STIM1: variants seen among roughly 807,000 people sequenced by gnomAD.
The protein encoded by STIM1 is stromal interaction molecule 1.
Under a neutral mutation model 74.7 loss-of-function variants are expected in STIM1, and 25 were observed. The ratio of observed to expected loss-of-function variants is 0.33; its 90% CI spans 0.24 to 0.47. The LOEUF (loss-of-function observed/expected upper bound fraction) is 0.47. Among genes scored for constraint, STIM1 ranks in the 20% least tolerant of loss-of-function variants. STIM1 has a pLI of 1.00. For synonymous variants in STIM1, 328 were observed against 348.8 expected, an observed-to-expected ratio of 0.94 and a Z score of 0.66; for missense variants, 728 against 920.8, an observed-to-expected ratio of 0.79 and a Z score of 2.71.
Position 3,932,666 on chromosome 11 carries a change from GAAAAAAAAAA to G in STIM1, c.140-34875_140-34866del, listed in dbSNP as rs57059104. Among the ~76,000 whole-genome samples, 5 of 86,970 alleles carry G rather than the reference GAAAAAAAAAA, an allele frequency of 5.7e-5. No homozygotes were observed. In the South Asian group the frequency reaches 1.8e-3, roughly 32 times the overall value. 57.1% of individuals were successfully genotyped at this position (86,970 alleles called of 152,430 possible). A position where few individuals can be genotyped will look rare whatever the true frequency, so the allele number is the denominator to read the frequency against. On this transcript the variant is annotated intron_variant, in intron 1 of 12. Transcript: ENST00000526596. ...AAGAGTGCAAGACTCTGTCTCAAAGGAAAAAAAAAAAAAAAAAAAAGAAAAGAAAAGAGAC... is the reference window on the plus strand; with the variant it reads ...AAGAGTGCAAGACTCTGTCTCAAAGGAAAAAAAAAAGAAAAGAAAAGAGAC...
intron 3 of STIM1, chr11:4,049,644 G>C (rs534840996): frequency 6.6e-6 from 1 of 151,210 alleles, no homozygotes; most frequent in South Asian, 2.1e-4. Context: ...TCTGGATCTT[G>C]ACTCAGCTTT....
intron 1 of STIM1, among the ~76,000 whole-genome samples, chr11:3,907,522 C>T (rs10742189): frequency 6.6e-6 from 1 of 152,030 alleles, no homozygotes; most frequent in Non-Finnish European, 1.5e-5. Flanking sequence ...CCCTGATCCA[C>T]GTTACCATCG....
At chr11:3,920,270 G>A (rs1282999517) in intron 1 of STIM1, among the ~76,000 whole-genome samples, 2 of 151,804 alleles carry the variant, frequency 1.3e-5, no homozygotes, top group Non-Finnish European at 2.9e-5. Context: ...CCAATTTGGT[G>A]GTTTTCAACA....
intron 1 of STIM1, among the ~76,000 whole-genome samples, chr11:3,904,991 A>G (rs2092440379): frequency 6.6e-6 from 1 of 152,136 alleles, no homozygotes; most frequent in Non-Finnish European, 1.5e-5. Flanking sequence ...AAGGGGGTTA[A>G]GGATAGAGCA....
chr11:4,000,169 C>A (rs1350975829), intron 2 of STIM1, among the ~76,000 whole-genome samples: 1 of 149,298 alleles, frequency 6.7e-6, no homozygotes. Context: ...CACAGACAAA[C>A]AAAAAGACAG....
chr11:3,904,120 C>A (rs1462424891), intron 1 of STIM1, among the ~76,000 whole-genome samples: 6 of 142,846 alleles, frequency 4.2e-5, no homozygotes, highest in Non-Finnish European at 3.0e-5. Context: ...TTGCTTGAAC[C>A]CGGGAGGCAG....
intron 2 of STIM1, among the ~76,000 whole-genome samples, chr11:4,006,182 T>C (rs1037073055): frequency 6.6e-6 from 1 of 152,140 alleles, no homozygotes. Flanking sequence ...TGAGTTCTCA[T>C]GAGATCTGGT....
intron 2 of STIM1, among the ~76,000 whole-genome samples, chr11:3,981,302 C>G (rs150805821): frequency 7.0e-4 from 106 of 152,214 alleles, no homozygotes; most frequent in African/African-American, 2.4e-3. Flanking sequence ...TTGGCATGAA[C>G]CTTATGTTTG....
chr11:3,936,145 C>A (rs925885399), intron 1 of STIM1, among the ~76,000 whole-genome samples: 1 of 152,126 alleles, frequency 6.6e-6, no homozygotes, highest in Non-Finnish European at 1.5e-5. Context: ...CTTTTGTTAT[C>A]CTTATTCTAC....
At chr11:4,041,538 A>G (rs1201631893) in intron 3 of STIM1, among the ~76,000 whole-genome samples, 8 of 152,116 alleles carry the variant, frequency 5.3e-5, no homozygotes, top group Non-Finnish European at 1.2e-4. Flanking sequence ...TAATTTGCCC[A>G]TGGTCTTACA....
intron 1 of STIM1, among the ~76,000 whole-genome samples, chr11:3,949,278 G>A (rs1226456306): frequency 6.6e-6 from 1 of 152,180 alleles, no homozygotes; most frequent in Non-Finnish European, 1.5e-5. Flanking sequence ...GATATTGCGG[G>A]CAGAGGGAAC....
rs150033189 is a variant in STIM1 at position 3,856,384 on chromosome 11, C to T, written c.114C>T (p.Ala38=). Residue 38 remains alanine, a synonymous_variant, in exon 1 of 13, where the codon GCC becomes GCT. Coordinates refer to ENST00000526596, the MANE Select transcript of STIM1 (RefSeq NM_001382567.1). ...AGGCGACAGGAACCAGCTCGGGGGC[C>T]AACTCTGAGGAGTCCACTGCAGCAG... The part of the protein sequence containing the change: ...SEKATGTSSG[A]NSEESTAAEF... 1.2e-6 allele frequency: 2 copies of T among 1,614,138 alleles called. No homozygotes were observed. The highest frequency in any genetic ancestry group is 1.7e-5 in the Admixed American group (1 of 60,032).
At chr11:4,038,154 C>T (rs939113287) in intron 3 of STIM1, among the ~76,000 whole-genome samples, 8 of 151,728 alleles carry the variant, frequency 5.3e-5, no homozygotes, top group South Asian at 2.1e-4. Flanking sequence ...CGTGCCCCAG[C>T]CTCCTGAGTA....
At chr11:3,864,310 GTATT>G (rs1410795778) in intron 1 of STIM1, among the ~76,000 whole-genome samples, 2 of 152,164 alleles carry the variant, frequency 1.3e-5, no homozygotes, top group African/African-American at 4.8e-5. Flanking sequence ...AAAATAATAA[GTATT>G]TATTATCTCA....
At chr11:3,982,303 C>T (rs978540416) in intron 2 of STIM1, among the ~76,000 whole-genome samples, 8 of 151,546 alleles carry the variant, frequency 5.3e-5, no homozygotes, top group East Asian at 3.9e-4. Flanking sequence ...ATCCTGGGAT[C>T]GTAAACATGA....
chr11:3,962,512 G>A (rs530047490), intron 1 of STIM1, among the ~76,000 whole-genome samples: 14 of 151,894 alleles, frequency 9.2e-5, no homozygotes, highest in African/African-American at 3.4e-4. Context: ...GTCATCCATT[G>A]ATGGACACTA....
intron 1 of STIM1, among the ~76,000 whole-genome samples, chr11:3,874,773 G>T (rs1402226747): frequency 1.3e-5 from 2 of 152,150 alleles, no homozygotes; most frequent in African/African-American, 2.4e-5. Flanking sequence ...GGTACTCAGG[G>T]TGTATTTGTT....
chr11:3,895,671 T>TTTCCTTCC lies in STIM1; in HGVS notation c.139+39270_139+39277dup, dbSNP rs761059057. 6.5e-4 allele frequency among the ~76,000 whole-genome samples: 28 copies of TTTCCTTCC among 43,366 alleles called. 3 individuals are homozygous for TTTCCTTCC. The highest frequency in any genetic ancestry group is 3.0e-3 in the South Asian group (3 of 988). The allele number at this position is 43,366 out of a possible 152,430, so 28.4% of individuals were successfully genotyped here. The stretch of plus-strand genomic sequence containing the variant: ...CTTTCTTTCTTTCTTTCTTTCTTTC[T>TTTCCTTCC]TTCCTTCCTTCCTTCTTTCTTTCTT... On this transcript the variant is annotated intron_variant, in intron 1 of 12. Transcript: ENST00000526596.
intron 1 of STIM1, among the ~76,000 whole-genome samples, chr11:3,906,360 T>C (rs1000620267): frequency 5.8e-4 from 88 of 152,340 alleles, no homozygotes; most frequent in African/African-American, 2.0e-3. Flanking sequence ...TTACTTGATG[T>C]AAGGTAGGGA....
Sources: allele counts gnomAD v4.1 joint callset (sites outside exome capture counted in the v4.1 genomes callset), GRCh38; gene constraint gnomAD v4.1.1; transcripts MANE v1.5; gene names NCBI Gene and HGNC (gene_info 2026-07-23, HGNC 2026-07-21).